NT5C3A: variants seen among roughly 807,000 people sequenced by gnomAD.
The protein encoded by NT5C3A is cytosolic 5'-nucleotidase 3A.
NT5C3A carries 23 observed loss-of-function variants against 40.0 expected under a neutral mutation model. The observed-to-expected ratio is 0.58, with a 90% CI of 0.41 to 0.81. The LOEUF is 0.81. NT5C3A is among the 40% of genes least tolerant of loss of function. The pLI is 0.00. For synonymous variants in NT5C3A, 130 were observed against 141.4 expected (o/e 0.92, Z 0.57); for missense variants, 328 against 403.0 (o/e 0.81, Z 1.59).
chr7:33,025,800 T>C (rs542823949), intron 2 of NT5C3A, among the ~76,000 whole-genome samples: 1 of 152,368 alleles, frequency 6.6e-6, no homozygotes, highest in South Asian at 2.1e-4. Context: ...CTGGATTTTA[T>C]ATTCCTAAAG....
At chr7:33,034,896 T>G (rs953648725) in intron 1 of NT5C3A, among the ~76,000 whole-genome samples, 1 of 152,208 alleles carries the variant, frequency 6.6e-6, no homozygotes, top group Non-Finnish European at 1.5e-5. Context: ...GTTGTTCTCT[T>G]TAAAAGAAAG....
At chr7:33,014,122 C>T (rs1785196486), downstream of NT5C3A, 1 of 425,624 alleles carries the variant, frequency 2.3e-6, no homozygotes, top group Admixed American at 2.7e-5. Context: ...ATAGTTTTGA[C>T]CATAGAATTA....
intron 6 of NT5C3A, 94 bp from the exon 7 acceptor site, chr7:33,017,695 T>C: frequency 1.1e-6 from 1 of 943,426 alleles, no homozygotes; most frequent in Non-Finnish European, 1.7e-6. Context: ...CTAGTAATTC[T>C]ATGGCTCACT....
chr7:33,015,984 C>T, intron 7 of NT5C3A, 114 bp from the exon 8 acceptor site: 1 of 745,254 alleles, frequency 1.3e-6, no homozygotes, highest in African/African-American at 1.7e-5. Flanking sequence ...GTAAATACAT[C>T]TTTGATACTA....
chr7:33,059,427 C>T (rs911449133), intron 1 of NT5C3A, among the ~76,000 whole-genome samples: 1 of 152,196 alleles, frequency 6.6e-6, no homozygotes, highest in African/African-American at 2.4e-5. Flanking sequence ...ACTTTCCAAA[C>T]CTGCCATTTT....
At chr7:33,059,599 T>C (rs1787701231) in intron 1 of NT5C3A, among the ~76,000 whole-genome samples, 1 of 152,250 alleles carries the variant, frequency 6.6e-6, no homozygotes, top group Admixed American at 6.5e-5. Context: ...TCTCATTTAA[T>C]CTTCACAACC....
chr7:33,015,548 G>A, intron 8 of NT5C3A, 122 bp downstream of exon 8: 1 of 662,390 alleles, frequency 1.5e-6, no homozygotes, highest in East Asian at 2.7e-5. Flanking sequence ...CGGTAACAGA[G>A]GCTTGTCTCA....
chr7:33,014,642 T>C lies in NT5C3A; in HGVS notation c.*88A>G. The C allele has an allele frequency of 6.4e-7, 1 of 1,559,108 alleles. No individual in the cohort carries two copies. Among genetic ancestry groups the C allele is most frequent in the African/African-American group, 1.4e-5 (1 of 73,840 alleles). ...AAAGGGAACACTTCGAGAGTAAGGA[T>C]ATATTATAAATAAGTCTCTCAGCAA... On this transcript the variant is annotated 3_prime_UTR_variant, in exon 9 of 9. Coordinates refer to ENST00000610140, the MANE Select transcript of NT5C3A (RefSeq NM_001002010.5).
At chr7:33,039,445 G>A (rs866828984) in intron 1 of NT5C3A, among the ~76,000 whole-genome samples, 1 of 150,038 alleles carries the variant, frequency 6.7e-6, no homozygotes, top group African/African-American at 2.5e-5. Context: ...ACTCACATAA[G>A]AAAAGGCATA....
chr7:33,034,272 T>C (rs1304216589), intron 1 of NT5C3A, among the ~76,000 whole-genome samples: 1 of 152,156 alleles, frequency 6.6e-6, no homozygotes, highest in Admixed American at 6.5e-5. Context: ...AAAAATCTTT[T>C]GGCTTGTTTT....
chr7:33,044,031 TTC>T (rs1787039494), intron 1 of NT5C3A, among the ~76,000 whole-genome samples: 1 of 151,924 alleles, frequency 6.6e-6, no homozygotes, highest in Non-Finnish European at 1.5e-5. Context: ...ACTTTTTTTT[TTC>T]TTTTTTTTTT....
At chr7:33,020,294 C>T (rs995631483) in intron 5 of NT5C3A, among the ~76,000 whole-genome samples, 2 of 151,566 alleles carry the variant, frequency 1.3e-5, no homozygotes, top group Admixed American at 6.6e-5. Flanking sequence ...AAGAAAGAAA[C>T]GAAAAGAAAA....
intron 1 of NT5C3A, among the ~76,000 whole-genome samples, chr7:33,048,858 C>G (rs1787256051): frequency 6.6e-6 from 1 of 152,136 alleles, no homozygotes; most frequent in Non-Finnish European, 1.5e-5. Context: ...ACCAAACATT[C>G]TGCTATCTCC....
intron 1 of NT5C3A, 135 bp from the exon 2 acceptor site, chr7:33,027,050 T>C (rs924465459): frequency 1.6e-6 from 1 of 619,684 alleles, no homozygotes; most frequent in East Asian, 2.9e-5. Flanking sequence ...AGCCACCACA[T>C]CAAATTACCG....
Position 33,021,263 on chromosome 7 carries a change from T to C in NT5C3A, c.440+9A>G, listed in dbSNP as rs72555745. 0.021 allele frequency: 33,417 copies of C among 1,611,880 alleles called. 427 individuals are homozygous for C. The highest frequency in any genetic ancestry group is 0.024 in the Non-Finnish European group (27,831 of 1,178,546). On this transcript the variant is annotated intron_variant, in intron 5 of 8. Transcript: ENST00000610140. ...TTTTTAATCCTCCTACTGCCTAATA[T>C]ACACTTACCATTCCACCATATAAGG...
At chr7:33,043,842 C>T (rs531556564) in intron 1 of NT5C3A, among the ~76,000 whole-genome samples, 1 of 152,206 alleles carries the variant, frequency 6.6e-6, no homozygotes, top group East Asian at 1.9e-4. Context: ...GTATCAAGCA[C>T]TTTCTTGCTT....
chr7:33,020,789 T>TG (rs397973310), intron 5 of NT5C3A, among the ~76,000 whole-genome samples: 4 of 151,556 alleles, frequency 2.6e-5, no homozygotes, highest in African/African-American at 9.7e-5. Flanking sequence ...TTTTTTTTTT[T>TG]GGTCACTATT....
In NT5C3A at chr7:33,062,768, C is replaced by A; in HGVS notation, c.-63G>T. 6.5e-7 allele frequency: 1 copy of A among 1,548,100 alleles called. No individual in the cohort carries two copies. Among genetic ancestry groups the A allele is most frequent in the Non-Finnish European group, 8.7e-7 (1 of 1,146,292 alleles). The stretch of plus-strand genomic sequence containing the variant: ...CAGGCAGCTCGCGTAGACTGCGAGT[C>A]TCGGAAGCGCGGGATCCCAGAGCAT... On this transcript the variant is annotated 5_prime_UTR_variant, in exon 1 of 9. Coordinates refer to ENST00000610140, the MANE Select transcript of NT5C3A (RefSeq NM_001002010.5).
chr7:33,059,386 T>A (rs547856114), intron 1 of NT5C3A, among the ~76,000 whole-genome samples: 5 of 152,340 alleles, frequency 3.3e-5, no homozygotes, highest in Admixed American at 2.0e-4. Flanking sequence ...AAAGTGAACT[T>A]GTGATTCCAC....
Sources: allele counts gnomAD v4.1 joint callset (sites outside exome capture counted in the v4.1 genomes callset), GRCh38; gene constraint gnomAD v4.1.1; transcripts MANE v1.5; gene names NCBI Gene and HGNC (gene_info 2026-07-23, HGNC 2026-07-21).